Variants in FGF14 observed in about 807,000 individuals in gnomAD.
The protein encoded by FGF14 is fibroblast growth factor 14.
In FGF14, 5 loss-of-function variants were observed where a neutral mutation model predicts 25.5. The ratio of observed to expected loss-of-function variants is 0.20; its 90% CI spans 0.10 to 0.41. The LOEUF (loss-of-function observed/expected upper bound fraction) is 0.41, where lower values mean the gene tolerates loss of function less well. Ranked by LOEUF, FGF14 falls within the 10% of genes least tolerant of loss-of-function variation. The pLI is 1.00. For synonymous variants in FGF14, 138 were observed against 118.3 expected (o/e 1.17, Z -1.08); for missense variants, 222 against 320.1 (o/e 0.69, Z 2.34).
chr13:101,857,046 T>C (rs2044162779), intron 3 of FGF14, among the ~76,000 whole-genome samples: 1 of 152,026 alleles, frequency 6.6e-6, no homozygotes, highest in Non-Finnish European at 1.5e-5. Context: ...TGTTTCCTCA[T>C]GAAGGGCACA....
intron 1 of FGF14, among the ~76,000 whole-genome samples, chr13:101,967,991 C>T (rs935338374): frequency 2.6e-5 from 4 of 152,180 alleles, no homozygotes; most frequent in Non-Finnish European, 5.9e-5. Context: ...AGATGAGTCA[C>T]TGGGTCAATG....
chr13:102,009,191 T>C (rs193139064), intron 1 of FGF14, among the ~76,000 whole-genome samples: 10 of 152,304 alleles, frequency 6.6e-5, no homozygotes, highest in Non-Finnish European at 1.3e-4. Context: ...ATTGTGTGTG[T>C]CTATAAGATC....
At chr13:102,155,983 C>T (rs1327665513) in intron 1 of FGF14, among the ~76,000 whole-genome samples, 3 of 152,110 alleles carry the variant, frequency 2.0e-5, no homozygotes, top group Non-Finnish European at 2.9e-5. Context: ...TCTGAATAGA[C>T]CAATAATAGG....
intron 1 of FGF14, among the ~76,000 whole-genome samples, chr13:102,025,558 G>T (rs2040880829): frequency 2.0e-5 from 3 of 151,818 alleles, no homozygotes; most frequent in Admixed American, 1.3e-4. Context: ...ACAGGTGTGT[G>T]CCACCATGCC....
intron 1 of FGF14, among the ~76,000 whole-genome samples, chr13:102,058,771 T>C (rs936864236): frequency 2.0e-5 from 3 of 152,154 alleles, no homozygotes; most frequent in Non-Finnish European, 4.4e-5. Flanking sequence ...TAACCAGTCT[T>C]ACTCAAATTT....
chr13:102,010,335 G>C (rs61966488), intron 1 of FGF14, among the ~76,000 whole-genome samples: 1 of 152,004 alleles, frequency 6.6e-6, no homozygotes. Flanking sequence ...CTGTTTCTAC[G>C]GAGAGAGGAA....
chr13:102,175,958 C>T (rs1435370423), intron 1 of FGF14, among the ~76,000 whole-genome samples: 8 of 152,014 alleles, frequency 5.3e-5, no homozygotes, highest in Admixed American at 3.3e-4. Context: ...AATGCTTATA[C>T]ATTGTCGGTG....
At chr13:102,148,533 G>A (rs1447669392) in intron 1 of FGF14, among the ~76,000 whole-genome samples, 1 of 152,176 alleles carries the variant, frequency 6.6e-6, no homozygotes, top group Non-Finnish European at 1.5e-5. Context: ...CGATGGCCAG[G>A]CGCAGTGGCT....
At chr13:101,738,600 T>C (rs966944610) in intron 3 of FGF14, among the ~76,000 whole-genome samples, 12 of 152,058 alleles carry the variant, frequency 7.9e-5, no homozygotes, top group African/African-American at 2.9e-4. Context: ...CAATACCTTC[T>C]GGGGAAAGAG....
At chr13:101,900,187 C>A (rs2031341124) in intron 1 of FGF14, among the ~76,000 whole-genome samples, 1 of 152,002 alleles carries the variant, frequency 6.6e-6, no homozygotes. Flanking sequence ...GTAGCTAAAG[C>A]CATGACTACA....
At chr13:102,374,669 TATATA>T (rs1332526381) in intron 1 of FGF14, among the ~76,000 whole-genome samples, 15 of 90,278 alleles carry the variant, frequency 1.7e-4, no homozygotes, top group Admixed American at 1.5e-3. Context: ...TATATATATA[TATATA>T]TATATATATA....
At chr13:101,767,318 C>T (rs965625133) in intron 3 of FGF14, among the ~76,000 whole-genome samples, 39 of 152,240 alleles carry the variant, frequency 2.6e-4, no homozygotes, top group Middle Eastern at 3.4e-3. Flanking sequence ...TGCCAGCCTC[C>T]AGAGATTCTG....
chr13:102,251,064 GATTTTT>G (rs1412678589), intron 1 of FGF14, among the ~76,000 whole-genome samples: 1 of 152,080 alleles, frequency 6.6e-6, no homozygotes, highest in Non-Finnish European at 1.5e-5. Context: ...TCTGAATTCA[GATTTTT>G]ATTACACGAA....
rs1388381327 is a variant in FGF14 at position 102,161,604 on chromosome 13, G to GA, written c.208+239866dup. Among the ~76,000 whole-genome samples the GA allele has an allele frequency of 7.6e-3, 18 of 2,360 alleles. 2 individuals carry two copies. Among genetic ancestry groups the GA allele is most frequent in the Non-Finnish European group, 5.8e-3 (9 of 1,554 alleles). 1.5% of individuals were successfully genotyped at this position (2,360 alleles called of 152,430 possible). ...AGAAGAAGAAGAAGAAGAAGAAGAAGAAGAAGAAGAAGAAGAAGAAGAAGA... is the reference window on the plus strand; with the variant it reads ...AGAAGAAGAAGAAGAAGAAGAAGAAGAAAGAAGAAGAAGAAGAAGAAGAAGA... On this transcript the variant is annotated intron_variant, in intron 1 of 4. Transcript: ENST00000376131.
At chr13:102,128,556 T>C (rs948435673) in intron 1 of FGF14, among the ~76,000 whole-genome samples, 7 of 152,212 alleles carry the variant, frequency 4.6e-5, no homozygotes, top group Non-Finnish European at 8.8e-5. Context: ...CTCACCCCAA[T>C]GTGAGTGCTA....
chr13:102,096,615 T>G (rs1413708480), intron 1 of FGF14, among the ~76,000 whole-genome samples: 1 of 152,184 alleles, frequency 6.6e-6, no homozygotes, highest in East Asian at 1.9e-4. Flanking sequence ...TTTTACATCT[T>G]AGGATTCCCA....
At chr13:101,946,692 C>A (rs1186869375) in intron 1 of FGF14, among the ~76,000 whole-genome samples, 63 of 152,338 alleles carry the variant, frequency 4.1e-4, no homozygotes, top group African/African-American at 1.4e-3. Context: ...AACAGATTGT[C>A]TCTCACAGGG....
At chr13:102,088,722 A>C (rs2044036446) in intron 1 of FGF14, among the ~76,000 whole-genome samples, 1 of 152,138 alleles carries the variant, frequency 6.6e-6, no homozygotes, top group African/African-American at 2.4e-5. Flanking sequence ...CTAATCTAAT[A>C]ATTTTTCAAA....
In FGF14 at chr13:101,720,113, A is replaced by G. The variant is rs1765387601; in HGVS notation, c.*2718T>C. The G allele has an allele frequency of 6.6e-6, 1 of 152,078 alleles. No individual in the cohort carries two copies. The highest frequency in any genetic ancestry group is 1.5e-5 in the Non-Finnish European group (1 of 67,982). 9.4% of individuals were successfully genotyped at this position (152,078 alleles called of 1,614,324 possible). ...ATTTGTGAATTTAACAAATGATATT[A>G]AACACAAACTACAATGCAGACAGAC... is the stretch of plus-strand genomic sequence containing the variant. On this transcript the variant is annotated 3_prime_UTR_variant, in exon 5 of 5. Transcript: ENST00000376143.
Sources: allele counts gnomAD v4.1 joint callset (sites outside exome capture counted in the v4.1 genomes callset), GRCh38; gene constraint gnomAD v4.1.1; transcripts MANE v1.5; gene names NCBI Gene and HGNC (gene_info 2026-07-23, HGNC 2026-07-21).